Variants in EXT2 observed in about 807,000 individuals in gnomAD.
EXT2 encodes exostosin glycosyltransferase 2.
A neutral mutation model predicts 81.6 loss-of-function variants in EXT2; 53 were observed. That is an observed-to-expected ratio of 0.65 (90% CI 0.52 to 0.82). EXT2 has a LOEUF of 0.82. Ranked by LOEUF, EXT2 falls within the 40% of genes least tolerant of loss-of-function variation. The pLI is 0.00. For missense variants in EXT2, 774 were observed against 910.2 expected (o/e 0.85, Z 1.93); for synonymous variants, 320 against 340.0 (o/e 0.94, Z 0.65).
chr11:44,119,124 TTATATATATATATA>T (rs200249806), intron 4 of EXT2, among the ~76,000 whole-genome samples: 1,885 of 25,612 alleles, frequency 0.074, 130 homozygotes, highest in African/African-American at 0.12. Flanking sequence ...ATTTGGCTAT[TTATATATATATATA>T]TATATATATA....
chr11:44,240,707 A>T (rs1956027258), intron 13 of EXT2, among the ~76,000 whole-genome samples: 1 of 152,230 alleles, frequency 6.6e-6, no homozygotes, highest in Non-Finnish European at 1.5e-5. Flanking sequence ...ACAAATATGG[A>T]AATAAATTAG....
chr11:44,208,394 A>G (rs1337738903), intron 10 of EXT2, among the ~76,000 whole-genome samples: 1 of 152,202 alleles, frequency 6.6e-6, no homozygotes, highest in South Asian at 2.1e-4. Flanking sequence ...AGGGTGGGCT[A>G]AATGTATTTC....
intron 7 of EXT2, among the ~76,000 whole-genome samples, chr11:44,152,275 C>A (rs576316560): frequency 6.6e-6 from 1 of 152,086 alleles, no homozygotes; most frequent in Non-Finnish European, 1.5e-5. Flanking sequence ...GGTATTGTAC[C>A]TAAAAAGTCA....
intron 5 of EXT2, among the ~76,000 whole-genome samples, chr11:44,125,500 T>C (rs1954387357): frequency 6.6e-6 from 1 of 152,100 alleles, no homozygotes; most frequent in Non-Finnish European, 1.5e-5. Flanking sequence ...ATTTACATAG[T>C]GGGAATGGCT....
At chr11:44,184,752 A>AAATAAT (rs550896667) in intron 8 of EXT2, among the ~76,000 whole-genome samples, 6 of 151,844 alleles carry the variant, frequency 4.0e-5, no homozygotes, top group Non-Finnish European at 8.8e-5. Context: ...CTCCGTCTCA[A>AAATAAT]AATAATAATA....
Position 44,124,989 on chromosome 11 carries a change from G to A in EXT2, c.939+5G>A. The A allele has an allele frequency of 6.2e-7, 1 of 1,612,120 alleles. No homozygotes were observed. Among genetic ancestry groups the A allele is most frequent in the South Asian group, 1.1e-5 (1 of 91,024 alleles). On this transcript the variant is annotated splice_donor_5th_base_variant and intron_variant, in intron 5 of 13. Transcript: ENST00000533608. Reference sequence around the variant, plus strand: ...GATTACCCACAGGTGCTACAGGTGAGTGTCATTCATTACCTCTCGCAAAGG... The same window carrying A: ...GATTACCCACAGGTGCTACAGGTGAATGTCATTCATTACCTCTCGCAAAGG...
chr11:44,232,150 G>A (rs945163012), intron 10 of EXT2, among the ~76,000 whole-genome samples: 1 of 152,180 alleles, frequency 6.6e-6, no homozygotes, highest in African/African-American at 2.4e-5. Flanking sequence ...AGATTGGGAG[G>A]AAGTCAGAAT....
chr11:44,119,060 C>G (rs184425915), intron 4 of EXT2, among the ~76,000 whole-genome samples: 35 of 144,900 alleles, frequency 2.4e-4, no homozygotes, highest in African/African-American at 8.7e-4. Flanking sequence ...AAGTATTGGG[C>G]TAGACTGCTG....
Position 44,097,762 on chromosome 11 carries a change from AAAT to A in EXT2, c.-31+1913_-31+1915del, listed in dbSNP as rs1363459417. On this transcript the variant is annotated intron_variant, in intron 1 of 13. Coordinates refer to ENST00000533608, the MANE Select transcript of EXT2 (RefSeq NM_207122.2). Reference sequence around the variant, plus strand: ...TGACAGAGCAAGACTCCATCTCAAAAAATAAATAAATAAATAAATAAATAAATA... The same window carrying A: ...TGACAGAGCAAGACTCCATCTCAAAAAAATAAATAAATAAATAAATAAATA... Among the ~76,000 whole-genome samples, 54 of 23,434 alleles carry A rather than the reference AAAT, an allele frequency of 2.3e-3. 4 individuals carry two copies. Among genetic ancestry groups the A allele is most frequent in the African/African-American group, 3.0e-3 (53 of 17,550 alleles). 15.4% of individuals were successfully genotyped at this position (23,434 alleles called of 152,430 possible).
intron 10 of EXT2, among the ~76,000 whole-genome samples, chr11:44,216,123 G>T (rs1411949192): frequency 6.6e-6 from 1 of 151,984 alleles, no homozygotes; most frequent in Admixed American, 6.6e-5. Flanking sequence ...TGATCCACCC[G>T]CCTCGGTCTC....
chr11:44,144,314 G>A lies in EXT2; in HGVS notation c.1173+14176G>A, dbSNP rs1954686373. Reference sequence around the variant, plus strand: ...AATCACCAAATGAACTCCCTGATCTGGCCTAGGGAACAGTGGGATTCACAG... The same window carrying A: ...AATCACCAAATGAACTCCCTGATCTAGCCTAGGGAACAGTGGGATTCACAG... On this transcript the variant is annotated intron_variant, in intron 7 of 13. Transcript: ENST00000533608. The A allele has an allele frequency of 1.9e-6, 3 of 1,598,396 alleles. No individual in the cohort carries two copies. The East Asian group carries it at 6.7e-5, about 36-fold the overall frequency.
chr11:44,233,548 G>C (rs116530129), intron 11 of EXT2, among the ~76,000 whole-genome samples: 2,046 of 152,194 alleles, frequency 0.013, 41 homozygotes, highest in African/African-American at 0.044. Context: ...GGAGTATATG[G>C]TTTAATTAAA....
intron 13 of EXT2, among the ~76,000 whole-genome samples, chr11:44,240,384 G>T (rs1956022947): frequency 6.6e-6 from 1 of 152,152 alleles, no homozygotes; most frequent in Non-Finnish European, 1.5e-5. Context: ...GAATTCAATG[G>T]TTGTTGGTAC....
intron 13 of EXT2, among the ~76,000 whole-genome samples, chr11:44,239,129 G>T (rs924938866): frequency 3.3e-5 from 5 of 152,134 alleles, no homozygotes; most frequent in Admixed American, 1.3e-4. Context: ...CCCAAAGGGA[G>T]ATGTACCTGA....
intron 7 of EXT2, among the ~76,000 whole-genome samples, chr11:44,156,064 T>C (rs1954851739): frequency 6.6e-6 from 1 of 152,228 alleles, no homozygotes; most frequent in South Asian, 2.1e-4. Context: ...TTCTAGCCTG[T>C]AAGGTTTCCA....
At chr11:44,118,996 C>CAGTTT (rs1954262766) in intron 4 of EXT2, among the ~76,000 whole-genome samples, 1 of 150,434 alleles carries the variant, frequency 6.6e-6, no homozygotes. Context: ...TAATTCAATT[C>CAGTTT]AGTTTAGTTC....
intron 1 of EXT2, among the ~76,000 whole-genome samples, chr11:44,097,753 C>G (rs1466064609): frequency 9.4e-6 from 1 of 106,716 alleles, no homozygotes; most frequent in Admixed American, 1.3e-4. Context: ...AGCAAGACTC[C>G]ATCTCAAAAA....
chr11:44,178,791 A>G (rs1215041043), intron 8 of EXT2, among the ~76,000 whole-genome samples: 2 of 115,496 alleles, frequency 1.7e-5, no homozygotes, highest in African/African-American at 3.2e-5. Flanking sequence ...CCTACTGCCT[A>G]GATATGATTA....
intron 9 of EXT2, among the ~76,000 whole-genome samples, chr11:44,206,118 A>G (rs1472679652): frequency 1.3e-5 from 2 of 152,204 alleles, no homozygotes; most frequent in African/African-American, 4.8e-5. Context: ...TGAGAAACCA[A>G]ACCTAGTGAG....
Sources: gnomAD v4.1 joint callset for allele counts (sites outside exome capture counted in the v4.1 genomes callset) on GRCh38, gnomAD v4.1.1 for gene constraint, MANE v1.5 for transcripts, NCBI Gene and HGNC (gene_info 2026-07-23, HGNC 2026-07-21) for gene names.